Variants in PRKAA1 observed in about 807,000 individuals in gnomAD.
The protein encoded by PRKAA1 is 5'-AMP-activated protein kinase catalytic subunit alpha-1.
Under a neutral mutation model 56.9 loss-of-function variants are expected in PRKAA1, and 23 were observed. The observed-to-expected ratio is 0.40, with a 90% CI of 0.29 to 0.57. The LOEUF (loss-of-function observed/expected upper bound fraction) is 0.57. Ranked by LOEUF, PRKAA1 falls within the 20% of genes least tolerant of loss-of-function variation. The pLI is 0.39. For synonymous variants in PRKAA1, 226 were observed against 227.0 expected (o/e 1.00, Z 0.04); for missense variants, 413 against 679.7 (o/e 0.61, Z 4.36).
chr5:40,777,982 G>A (rs1744095011), intron 1 of PRKAA1, among the ~76,000 whole-genome samples: 1 of 152,352 alleles, frequency 6.6e-6, no homozygotes, highest in East Asian at 1.9e-4. Context: ...GCTGAGGCAG[G>A]AGAATCGCTT....
At chr5:40,789,369 T>A (rs777234312) in intron 1 of PRKAA1, among the ~76,000 whole-genome samples, 8 of 152,144 alleles carry the variant, frequency 5.3e-5, no homozygotes, top group Non-Finnish European at 1.0e-4. Flanking sequence ...AAGATAAGTG[T>A]TAGCAAGGTC....
intron 6 of PRKAA1, 93 bp downstream of exon 6, chr5:40,767,373 A>T: frequency 1.0e-6 from 1 of 1,004,112 alleles, no homozygotes; most frequent in Non-Finnish European, 1.5e-6. Context: ...AAACAGGATT[A>T]CACTGTATAT....
intron 1 of PRKAA1, among the ~76,000 whole-genome samples, chr5:40,795,476 T>C (rs1420344392): frequency 6.6e-6 from 1 of 152,114 alleles, no homozygotes; most frequent in Non-Finnish European, 1.5e-5. Flanking sequence ...GGGTGGGTCA[T>C]ACTCCTCCAA....
intron 1 of PRKAA1, among the ~76,000 whole-genome samples, chr5:40,784,040 T>C (rs1233789114): frequency 6.6e-6 from 1 of 152,190 alleles, no homozygotes; most frequent in Non-Finnish European, 1.5e-5. Context: ...AGGGTGACTA[T>C]AACAGATACA....
intron 1 of PRKAA1, among the ~76,000 whole-genome samples, chr5:40,784,637 A>G (rs188017336): frequency 7.9e-5 from 12 of 152,210 alleles, no homozygotes; most frequent in Admixed American, 2.0e-4. Context: ...TACAACATAA[A>G]TCTAGTTCCT....
intron 1 of PRKAA1, chr5:40,790,020 A>G (rs565372565): frequency 6.6e-6 from 1 of 152,234 alleles, no homozygotes; most frequent in African/African-American, 2.4e-5. Flanking sequence ...AAGCGTAAGC[A>G]TCCTGGGGAG....
intron 1 of PRKAA1, among the ~76,000 whole-genome samples, chr5:40,782,868 G>A (rs1385488598): frequency 1.3e-5 from 2 of 151,912 alleles, no homozygotes; most frequent in African/African-American, 4.8e-5. Flanking sequence ...CCCAAAAGAA[G>A]GCATAATAAG....
chr5:40,774,775 C>T lies in PRKAA1; in HGVS notation c.363+635G>A, dbSNP rs189189148. On this transcript the variant is annotated intron_variant, in intron 3 of 8. Transcript: ENST00000397128. ...TTTTCAGGGCTAGCTACAGCTCTCC[C>T]ACAAAGGGGCTTTTGCATACCACAT... Among the ~76,000 whole-genome samples, 929 of 152,124 alleles carry T rather than the reference C, an allele frequency of 6.1e-3. 13 individuals are homozygous for T. Among genetic ancestry groups the T allele is most frequent in the African/African-American group, 0.021 (880 of 41,470 alleles).
intron 8 of PRKAA1, 60 bp from the exon 9 acceptor site, chr5:40,763,082 A>G: frequency 6.4e-7 from 1 of 1,572,690 alleles, no homozygotes; most frequent in South Asian, 1.1e-5. Context: ...AATTTTTGTA[A>G]CAGTATTGAA....
chr5:40,785,388 T>C (rs1200886984), intron 1 of PRKAA1, among the ~76,000 whole-genome samples: 1 of 152,004 alleles, frequency 6.6e-6, no homozygotes. Flanking sequence ...TACAGGCACC[T>C]ACCACCTCGC....
intron 1 of PRKAA1, among the ~76,000 whole-genome samples, chr5:40,789,358 AAAGAT>A (rs1192728365): frequency 1.3e-5 from 2 of 152,230 alleles, no homozygotes; most frequent in African/African-American, 4.8e-5. Flanking sequence ...CAAAAAGGTG[AAAGAT>A]AAGTGTTAGC....
intron 3 of PRKAA1, among the ~76,000 whole-genome samples, chr5:40,773,884 T>A (rs1016066256): frequency 2.6e-5 from 4 of 152,192 alleles, no homozygotes; most frequent in Non-Finnish European, 5.9e-5. Flanking sequence ...AAGGCAGGGA[T>A]AAGGCATCCT....
chr5:40,788,563 G>A (rs572049925), intron 1 of PRKAA1, among the ~76,000 whole-genome samples: 29 of 151,980 alleles, frequency 1.9e-4, no homozygotes, highest in Non-Finnish European at 4.0e-4. Flanking sequence ...AAACAAACAG[G>A]CCAGACGCGT....
At chr5:40,778,388 C>A (rs1744114122) in intron 1 of PRKAA1, among the ~76,000 whole-genome samples, 1 of 152,118 alleles carries the variant, frequency 6.6e-6, no homozygotes. Flanking sequence ...AGAGTGATTA[C>A]ATAGGAGAAT....
In PRKAA1 at chr5:40,792,659, G is replaced by A. The variant is rs147038370; in HGVS notation, c.127+5404C>T. 7.2e-5 allele frequency among the ~76,000 whole-genome samples: 11 copies of A among 152,192 alleles called. No individual in the cohort carries two copies. In the East Asian group the frequency reaches 1.9e-3, roughly 27 times the overall value. ...AGATTCATTCACACTGATATATATAGCTCTAGTTCATGTTTATAATTTTTA... is the reference window on the plus strand; with the variant it reads ...AGATTCATTCACACTGATATATATAACTCTAGTTCATGTTTATAATTTTTA... On this transcript the variant is annotated intron_variant, in intron 1 of 8. Coordinates refer to ENST00000397128, the MANE Select transcript of PRKAA1 (RefSeq NM_006251.6).
In PRKAA1 at chr5:40,769,485, G is replaced by T; in HGVS notation, c.527C>A (p.Ser176Ter). 6.2e-7 allele frequency: 1 copy of T among 1,608,078 alleles called. No homozygotes were observed. Among genetic ancestry groups the T allele is most frequent in the South Asian group, 1.1e-5 (1 of 90,338 alleles). The part of the protein sequence containing the change: ...IADFGLSNMM[S>*]DGEFLRTSCG... ...ACTTGTTCTTAAAAATTCACCATCT[G>T]ACATCATGTTTGAAAGACCTGAAAG... Residue 176 changes from serine to a stop codon, truncating the protein, a stop_gained, in exon 5 of 9, where the codon TCA (serine) becomes TAA (stop). Transcript: ENST00000397128. LOFTEE classifies it high-confidence loss of function.
Position 40,775,522 on chromosome 5 carries a change from G to A in PRKAA1, c.270-19C>T, listed in dbSNP as rs757643563. On this transcript the variant is annotated intron_variant, in intron 2 of 8. Coordinates refer to ENST00000397128, the MANE Select transcript of PRKAA1 (RefSeq NM_006251.6). ...CTGGTACCTGGTGAGAGAAAACATT[G>A]TCTACAAATATTAAAACACATATAT... The A allele has an allele frequency of 6.7e-7, 1 of 1,501,030 alleles. No individual in the cohort carries two copies. The highest frequency in any genetic ancestry group is 9.3e-7 in the Non-Finnish European group (1 of 1,077,878). 93.0% of individuals were successfully genotyped at this position (1,501,030 alleles called of 1,614,324 possible). A position where few individuals can be genotyped will look rare whatever the true frequency, so the allele number is the denominator to read the frequency against.
At chr5:40,765,846 C>T (rs1487569642) in intron 6 of PRKAA1, among the ~76,000 whole-genome samples, 1 of 151,940 alleles carries the variant, frequency 6.6e-6, no homozygotes, top group Non-Finnish European at 1.5e-5. Flanking sequence ...AAAGGCCATG[C>T]CCTGAATGAT....
chr5:40,777,403 T>C (rs747709374), intron 2 of PRKAA1, 42 bp downstream of exon 2: 1 of 1,536,874 alleles, frequency 6.5e-7, no homozygotes, highest in Admixed American at 2.0e-5. Flanking sequence ...ACAAAAAAGA[T>C]GAAAAGATGA....
Sources: gnomAD v4.1 joint callset for allele counts (sites outside exome capture counted in the v4.1 genomes callset) on GRCh38, gnomAD v4.1.1 for gene constraint, MANE v1.5 for transcripts, NCBI Gene and HGNC (gene_info 2026-07-23, HGNC 2026-07-21) for gene names.